Variants in UBAP1L observed in about 807,000 individuals in gnomAD.
UBAP1L encodes the protein ubiquitin associated protein 1 like.
In UBAP1L, 32 loss-of-function variants were observed where a neutral mutation model predicts 32.1. That is an observed-to-expected ratio of 1.00 (90% CI 0.75 to 1.34). The LOEUF is 1.34. UBAP1L is among the 40% of genes most tolerant of loss of function. UBAP1L has a pLI of 0.00. For synonymous variants in UBAP1L, 243 were observed against 250.2 expected, an observed-to-expected ratio of 0.97 and a Z score of 0.27; for missense variants, 516 against 540.5, an observed-to-expected ratio of 0.95 and a Z score of 0.45.
chr15:65,107,351 AG>A lies in UBAP1L; in HGVS notation c.-173-964del, dbSNP rs1299068305. Among the ~76,000 whole-genome samples, 5 of 151,790 alleles carry A rather than the reference AG, an allele frequency of 3.3e-5. No homozygotes were observed. The East Asian group carries it at 9.7e-4, about 29-fold the overall frequency. ...GCTGTCTCAAAAAAAAAAAGAAGAA[AG>A]AAAAAGGAAAAAAAAAAGGAATTAC... On this transcript the variant is annotated intron_variant, in intron 1 of 5. Transcript: ENST00000559089.
At chr15:65,097,628 C>T (rs1373740083) in intron 4 of UBAP1L, 1 of 152,164 alleles carries the variant, frequency 6.6e-6, no homozygotes, top group Non-Finnish European at 1.5e-5. Flanking sequence ...TAACTGAATA[C>T]CCTCAGAGAG....
intron 4 of UBAP1L, 174 bp downstream of exon 4, chr15:65,099,330 GC>G (rs1310469381): frequency 1.5e-6 from 1 of 647,884 alleles, no homozygotes; most frequent in Non-Finnish European, 2.6e-6. Context: ...GGGTATAAAG[GC>G]CTGACCATCT....
chr15:65,096,178 G>A (rs2087171695), intron 4 of UBAP1L: 1 of 152,328 alleles, frequency 6.6e-6, no homozygotes, highest in Non-Finnish European at 1.5e-5. Context: ...GGTGGACGCT[G>A]CCTCCACCTT....
chr15:65,109,502 A>AC (rs1159511170), intron 1 of UBAP1L, among the ~76,000 whole-genome samples: 1 of 151,244 alleles, frequency 6.6e-6, no homozygotes, highest in East Asian at 1.9e-4. Flanking sequence ...AAAAAAAAAA[A>AC]AAACTTCCAT....
Position 65,106,206 on chromosome 15 carries a change from G to A in UBAP1L, c.10C>T (p.Leu4Phe). ...GGCAACTTGAAAGGAACACCATCGA[G>A]GGCATTCATTCTGTCAGGAGTGTGG... MNA[L>F]DGVPFKLPKG... The change falls in exon 2 of 6, where the codon CTC (leucine) becomes TTC (phenylalanine). Residue 4 changes from leucine (L) to phenylalanine (F), a missense_variant. Coordinates refer to ENST00000559089, the MANE Select transcript of UBAP1L (RefSeq NM_001163692.2). 6.5e-7 allele frequency: 1 copy of A among 1,545,416 alleles called. No homozygotes were observed. The highest frequency in any genetic ancestry group is 8.7e-7 in the Non-Finnish European group (1 of 1,145,278).
chr15:65,114,890 C>T (rs958898118), intron 1 of UBAP1L, among the ~76,000 whole-genome samples: 7 of 152,168 alleles, frequency 4.6e-5, no homozygotes, highest in Non-Finnish European at 8.8e-5. Context: ...ACATACTCTT[C>T]ATGTGTGGCC....
intron 1 of UBAP1L, among the ~76,000 whole-genome samples, chr15:65,108,752 CAAAT>C (rs10639874): frequency 1.0e-3 from 147 of 146,324 alleles, no homozygotes; most frequent in Non-Finnish European, 1.3e-3. Context: ...GACACTGTCT[CAAAT>C]AAATAAATAA....
intron 1 of UBAP1L, among the ~76,000 whole-genome samples, chr15:65,112,165 GA>G (rs2087373292): frequency 6.6e-6 from 1 of 152,172 alleles, no homozygotes; most frequent in Non-Finnish European, 1.5e-5. Flanking sequence ...CTTGACCCTG[GA>G]AGGTGAAAGA....
chr15:65,106,815 A>G (rs965068805), intron 1 of UBAP1L, among the ~76,000 whole-genome samples: 6 of 151,882 alleles, frequency 4.0e-5, no homozygotes, highest in Non-Finnish European at 5.9e-5. Flanking sequence ...TAATTTTTGT[A>G]TTTTTAGTAG....
intron 2 of UBAP1L, chr15:65,104,997 CT>C: frequency 5.2e-6 from 1 of 193,820 alleles, no homozygotes; most frequent in South Asian, 5.9e-5. Context: ...CAGAGCGAGA[CT>C]CTGTCTCAAA....
At chr15:65,103,771 T>C (rs1274710446) in intron 2 of UBAP1L, among the ~76,000 whole-genome samples, 4 of 151,902 alleles carry the variant, frequency 2.6e-5, no homozygotes, top group Admixed American at 6.6e-5. Flanking sequence ...GAGAAAGAGA[T>C]TGGAGCAAAA....
At chr15:65,093,738 G>A (rs1398422807) in intron 5 of UBAP1L, among the ~76,000 whole-genome samples, 2 of 152,220 alleles carry the variant, frequency 1.3e-5, no homozygotes, top group Non-Finnish European at 2.9e-5. Flanking sequence ...GCTCTGCCAT[G>A]GGGCACTTAG....
chr15:65,098,465 T>G (rs2087203326), intron 4 of UBAP1L: 1 of 152,156 alleles, frequency 6.6e-6, no homozygotes, highest in South Asian at 2.1e-4. Context: ...TCATAAAATT[T>G]TTTGCACCCT....
At position 65,094,303 on chromosome 15, in the gene UBAP1L, G is replaced by A. The variant is rs1346624616; in HGVS notation, c.1011+172C>T. 6.6e-6 allele frequency among the ~76,000 whole-genome samples: 1 copy of A among 152,118 alleles called. No individual in the cohort carries two copies. Among genetic ancestry groups the A allele is most frequent in the Admixed American group, 6.5e-5 (1 of 15,280 alleles). On this transcript the variant is annotated intron_variant, in intron 5 of 5. Transcript: ENST00000559089. This position sits in a 1 kb window ranked among gnomAD's most constrained non-coding sequence, Gnocchi z 4.2. ...GCCTCTCACCTTTGTCCCTGCTGTA[G>A]CTCCCTGGGCCATCTCCTCCTCAGA... is the stretch of plus-strand genomic sequence containing the variant.
At chr15:65,100,059 C>T (rs763495380) in intron 3 of UBAP1L, 8 of 174,028 alleles carry the variant, frequency 4.6e-5, no homozygotes, top group African/African-American at 7.1e-5. Context: ...GCCCAACCAA[C>T]GTGGTGAAAC....
Position 65,094,773 on chromosome 15 carries a change from G to C in UBAP1L, c.910-197C>G. 1.7e-6 allele frequency: 1 copy of C among 604,554 alleles called. No individual in the cohort carries two copies. Among genetic ancestry groups the C allele is most frequent in the South Asian group, 1.9e-5 (1 of 52,084 alleles). 37.4% of individuals were successfully genotyped at this position (604,554 alleles called of 1,614,324 possible). On this transcript the variant is annotated intron_variant, in intron 4 of 5. Transcript: ENST00000559089. The surrounding 1 kb of genome is among the most constrained non-coding windows in gnomAD (Gnocchi z 4.2). ...TTCTCTGAGTGCCTGGCGATAGGCAGACAATGGGTCTTCACCAACTATGCC... is the reference window on the plus strand; with the variant it reads ...TTCTCTGAGTGCCTGGCGATAGGCACACAATGGGTCTTCACCAACTATGCC...
At chr15:65,106,797 C>T (rs1324519309) in intron 1 of UBAP1L, among the ~76,000 whole-genome samples, 2 of 152,132 alleles carry the variant, frequency 1.3e-5, no homozygotes, top group Non-Finnish European at 2.9e-5. Flanking sequence ...TGTGCCACCA[C>T]ACCCAGCTAA....
At chr15:65,108,889 G>A (rs938989805) in intron 1 of UBAP1L, among the ~76,000 whole-genome samples, 46 of 152,078 alleles carry the variant, frequency 3.0e-4, no homozygotes, top group Admixed American at 5.2e-4. Context: ...AGGTGCAGTG[G>A]CTCACACCTG....
intron 5 of UBAP1L, among the ~76,000 whole-genome samples, chr15:65,093,954 G>A (rs1197872427): frequency 6.6e-6 from 1 of 152,236 alleles, no homozygotes; most frequent in Non-Finnish European, 1.5e-5. Context: ...GACCGAGGCG[G>A]GAGAATTGCT....
Sources: allele counts gnomAD v4.1 joint callset (sites outside exome capture counted in the v4.1 genomes callset), GRCh38; gene constraint gnomAD v4.1.1; non-coding constraint Gnocchi (gnomAD v3.1); transcripts MANE v1.5; gene names NCBI Gene and HGNC (gene_info 2026-07-23, HGNC 2026-07-21).